The following SMAD3 variants were observed in gnomAD, a reference collection of about 807,000 sequenced individuals.
SMAD3 encodes the protein MAD homolog 3.
Under a neutral mutation model 51.8 loss-of-function variants are expected in SMAD3, and 12 were observed. The observed-to-expected ratio is 0.23, with a 90% CI of 0.15 to 0.38. The LOEUF is 0.38. Among genes scored for constraint, SMAD3 ranks in the 10% least tolerant of loss-of-function variants. The pLI is 1.00. For missense variants in SMAD3, 294 were observed against 565.6 expected (o/e 0.52, Z 4.87); for synonymous variants, 238 against 227.7 (o/e 1.05, Z -0.41).
At chr15:67,087,705 G>A (rs1158432589) in intron 1 of SMAD3, among the ~76,000 whole-genome samples, 1 of 152,118 alleles carries the variant, frequency 6.6e-6, no homozygotes, top group Non-Finnish European at 1.5e-5. Context: ...AGATAAGAAA[G>A]CCCTGTATAG....
intron 1 of SMAD3, among the ~76,000 whole-genome samples, chr15:67,069,461 G>A (rs1160787370): frequency 2.0e-5 from 3 of 152,158 alleles, no homozygotes; most frequent in Non-Finnish European, 2.9e-5. Context: ...GTGTGTGAGC[G>A]TTATATGAGG....
intron 1 of SMAD3, among the ~76,000 whole-genome samples, chr15:67,115,600 A>T (rs1353737833): frequency 6.6e-6 from 1 of 151,692 alleles, no homozygotes; most frequent in Non-Finnish European, 1.5e-5. Flanking sequence ...CAGGTGAGAG[A>T]CATGCCCTCT....
chr15:67,101,382 G>A (rs1036802952), intron 1 of SMAD3, among the ~76,000 whole-genome samples: 3 of 152,028 alleles, frequency 2.0e-5, no homozygotes, highest in Admixed American at 2.0e-4. Flanking sequence ...TTTACGTATG[G>A]GAGTCAATGA....
chr15:67,178,853 T>C (rs1245950252), intron 5 of SMAD3, among the ~76,000 whole-genome samples: 1 of 151,964 alleles, frequency 6.6e-6, no homozygotes, highest in Non-Finnish European at 1.5e-5. Context: ...CCTGGCCCTG[T>C]CATTCCTCCC....
chr15:67,086,928 T>G (rs1960406752), intron 1 of SMAD3, among the ~76,000 whole-genome samples: 1 of 150,342 alleles, frequency 6.7e-6, no homozygotes, highest in Admixed American at 6.6e-5. Flanking sequence ...GGAGTTTCGC[T>G]CTTGTTGCCC....
chr15:67,133,118 C>G (rs7178117), intron 1 of SMAD3, among the ~76,000 whole-genome samples: 90,672 of 152,102 alleles, frequency 0.6, 27,485 homozygotes, highest in East Asian at 0.9. Flanking sequence ...TAGCCCAGCC[C>G]AAGCAGCAGA....
chr15:67,103,590 C>A (rs777093723), intron 1 of SMAD3, among the ~76,000 whole-genome samples: 68 of 152,270 alleles, frequency 4.5e-4, no homozygotes, highest in Middle Eastern at 3.4e-3. Context: ...ACTCACCCTC[C>A]CTGGGCTGCA....
chr15:67,186,206 G>T (rs1278176258), intron 7 of SMAD3, among the ~76,000 whole-genome samples: 1 of 152,238 alleles, frequency 6.6e-6, no homozygotes, highest in Non-Finnish European at 1.5e-5. Context: ...GGACTCTCAA[G>T]TTTGGTGCTC....
chr15:67,145,010 T>A (rs1195633286), intron 1 of SMAD3, among the ~76,000 whole-genome samples: 2 of 152,098 alleles, frequency 1.3e-5, no homozygotes, highest in South Asian at 2.1e-4. Flanking sequence ...GGGGTTGCCA[T>A]GGGAATTTCT....
At chr15:67,106,888 A>G (rs960190197) in intron 1 of SMAD3, among the ~76,000 whole-genome samples, 7 of 152,222 alleles carry the variant, frequency 4.6e-5, no homozygotes, top group Non-Finnish European at 7.3e-5. Flanking sequence ...GTAATGGCAT[A>G]GTATTTATTA....
intron 1 of SMAD3, among the ~76,000 whole-genome samples, chr15:67,120,656 T>C (rs1961237838): frequency 6.6e-6 from 1 of 152,186 alleles, no homozygotes; most frequent in African/African-American, 2.4e-5. Context: ...AATCTCACCC[T>C]GGCCCTACCA....
intron 1 of SMAD3, chr15:67,142,685 G>A: frequency 3.2e-6 from 1 of 310,386 alleles, no homozygotes; most frequent in Non-Finnish European, 6.5e-6. Flanking sequence ...CAGAGGCCTG[G>A]TAACGGCAGA....
intron 5 of SMAD3, among the ~76,000 whole-genome samples, chr15:67,175,592 G>A (rs1326352442): frequency 6.6e-6 from 1 of 152,216 alleles, no homozygotes; most frequent in Non-Finnish European, 1.5e-5. Flanking sequence ...CCTCCCCCCA[G>A]GGTGCCACTT....
chr15:67,170,728 G>A (rs900035926), intron 5 of SMAD3, 124 bp downstream of exon 5: 1 of 806,940 alleles, frequency 1.2e-6, no homozygotes, highest in East Asian at 2.5e-5. Flanking sequence ...GCCCAGCTCA[G>A]CCCATCAGGT....
At chr15:67,099,917 T>C (rs909386222) in intron 1 of SMAD3, among the ~76,000 whole-genome samples, 4 of 152,200 alleles carry the variant, frequency 2.6e-5, no homozygotes, top group African/African-American at 9.6e-5. Flanking sequence ...CGCAGTGGCT[T>C]GCGCCTGTAA....
At chr15:67,135,040 G>T (rs1173038039) in intron 1 of SMAD3, among the ~76,000 whole-genome samples, 3 of 152,180 alleles carry the variant, frequency 2.0e-5, no homozygotes, top group Non-Finnish European at 4.4e-5. Context: ...GGAAGCAGGG[G>T]TGTCACTGGG....
intron 1 of SMAD3, among the ~76,000 whole-genome samples, chr15:67,110,342 G>A (rs1292398284): frequency 6.6e-6 from 1 of 152,176 alleles, no homozygotes; most frequent in East Asian, 1.9e-4. Flanking sequence ...GCCAGGAACT[G>A]CCCACCTAGT....
Position 67,112,154 on chromosome 15 carries a change from C to CTT in SMAD3, c.206+45805_206+45806dup, listed in dbSNP as rs753530213. ...TTAGCCATTTCTTTTTTTTTCTTTC[C>CTT]TTTTTTTTTTTTGAGACAGAGTTTT... On this transcript the variant is annotated intron_variant, in intron 1 of 8. Coordinates refer to ENST00000327367, the MANE Select transcript of SMAD3 (RefSeq NM_005902.4). Among the ~76,000 whole-genome samples the CTT allele has an allele frequency of 4.0e-4, 36 of 90,426 alleles. 1 individual carries two copies. Among genetic ancestry groups the CTT allele is most frequent in the African/African-American group, 1.8e-3 (36 of 19,838 alleles). The allele number at this position is 90,426 out of a possible 152,430, so 59.3% of individuals were successfully genotyped here. A position where few individuals can be genotyped will look rare whatever the true frequency, so the allele number is the denominator to read the frequency against.
intron 1 of SMAD3, chr15:67,125,721 T>C (rs1566976560): frequency 6.1e-6 from 6 of 983,166 alleles, no homozygotes; most frequent in African/African-American, 1.7e-5. Flanking sequence ...GCCTGAAATA[T>C]GAGCTTGTGC....
Sources: gnomAD v4.1 joint callset for allele counts (sites outside exome capture counted in the v4.1 genomes callset) on GRCh38, gnomAD v4.1.1 for gene constraint, MANE v1.5 for transcripts, NCBI Gene and HGNC (gene_info 2026-07-23, HGNC 2026-07-21) for gene names.